NEK7: variants seen among roughly 807,000 people sequenced by gnomAD.
NEK7 encodes the protein NIMA related kinase 7, also known as serine/threonine-protein kinase Nek7.
A neutral mutation model predicts 44.6 loss-of-function variants in NEK7; 18 were observed. The observed-to-expected ratio is 0.40, with a 90% CI of 0.28 to 0.60. NEK7 has a LOEUF of 0.60. Ranked by LOEUF, NEK7 falls within the 20% of genes least tolerant of loss-of-function variation. The pLI, the probability that NEK7 is intolerant of heterozygous loss-of-function variation, is 0.38. For missense variants in NEK7, 256 were observed against 366.5 expected (o/e 0.70, Z 2.46); for synonymous variants, 130 against 121.1 (o/e 1.07, Z -0.48).
intron 1 of NEK7, among the ~76,000 whole-genome samples, chr1:198,215,075 A>G (rs1448422419): frequency 1.3e-5 from 2 of 152,288 alleles, no homozygotes; most frequent in Admixed American, 6.5e-5. Flanking sequence ...GTATTGAGCA[A>G]AACTAGTTTT....
At chr1:198,162,315 C>G (rs1664135437) in intron 1 of NEK7, among the ~76,000 whole-genome samples, 1 of 152,158 alleles carries the variant, frequency 6.6e-6, no homozygotes, top group Non-Finnish European at 1.5e-5. Flanking sequence ...GAATTCCTGG[C>G]TAGTTGCCAC....
rs185683962 is a variant in NEK7, at chr1:198,256,873, C to A, written c.198+3693C>A. Reference sequence around the variant, plus strand: ...AAGATTATCAAAAACTTATTTTGATCTGGTATATGCAATCTCTATTTTATT... The same window carrying A: ...AAGATTATCAAAAACTTATTTTGATATGGTATATGCAATCTCTATTTTATT... On this transcript the variant is annotated intron_variant, in intron 3 of 9. Transcript: ENST00000367385. Among the ~76,000 whole-genome samples, 451 of 152,260 alleles carry A rather than the reference C, an allele frequency of 3.0e-3. 1 individual carries two copies. The highest frequency in any genetic ancestry group is 2.2e-3 in the Non-Finnish European group (151 of 68,020).
chr1:198,249,957 GC>G (rs1660037676), intron 2 of NEK7, among the ~76,000 whole-genome samples: 2 of 146,126 alleles, frequency 1.4e-5, no homozygotes, highest in South Asian at 2.3e-4. Context: ...CCTTGCCCAT[GC>G]CTATGTCCTG....
At chr1:198,204,299 A>G (rs1276933901) in intron 1 of NEK7, among the ~76,000 whole-genome samples, 1 of 152,182 alleles carries the variant, frequency 6.6e-6, no homozygotes, top group Non-Finnish European at 1.5e-5. Context: ...TATGAGAGCA[A>G]GTCATAACAC....
At chr1:198,309,066 G>A (rs1204876234) in intron 9 of NEK7, among the ~76,000 whole-genome samples, 1 of 152,082 alleles carries the variant, frequency 6.6e-6, no homozygotes, top group African/African-American at 2.4e-5. Context: ...GTGTTATAAG[G>A]ACTTTAATAC....
chr1:198,302,666 TATAAC>T (rs1254126684), intron 9 of NEK7, among the ~76,000 whole-genome samples: 6 of 152,158 alleles, frequency 3.9e-5, no homozygotes, highest in Non-Finnish European at 8.8e-5. Context: ...TATTGGAGAG[TATAAC>T]ATATTTATGT....
At position 198,253,198 on chromosome 1, in the gene NEK7, A is replaced by T; in HGVS notation, c.198+18A>T. ...AAGTGCAGGTAAGATGACTTTAATT[A>T]TATAAATCAATGTAAAATTATACTA... On this transcript the variant is annotated intron_variant, in intron 3 of 9. Transcript: ENST00000367385. 1 of 1,519,178 alleles carries T rather than the reference A, an allele frequency of 6.6e-7. No homozygotes were observed. Among genetic ancestry groups the T allele is most frequent in the Non-Finnish European group, 9.0e-7 (1 of 1,106,584 alleles). 94.1% of individuals were successfully genotyped at this position (1,519,178 alleles called of 1,614,324 possible).
chr1:198,317,877 ATTTTT>A (rs34704209), intron 9 of NEK7, among the ~76,000 whole-genome samples: 7 of 70,268 alleles, frequency 1.0e-4, no homozygotes, highest in Non-Finnish European at 1.2e-4. Flanking sequence ...GGATATATTT[ATTTTT>A]TTTTTTTTTT....
chr1:198,240,887 G>A (rs375908180), intron 2 of NEK7, among the ~76,000 whole-genome samples: 57 of 152,288 alleles, frequency 3.7e-4, no homozygotes, highest in Admixed American at 1.8e-3. Context: ...TACAGATGGG[G>A]TTTCAGCATC....
chr1:198,273,261 G>A (rs1288665136), intron 5 of NEK7, among the ~76,000 whole-genome samples: 5 of 151,644 alleles, frequency 3.3e-5, no homozygotes, highest in Non-Finnish European at 7.4e-5. Flanking sequence ...TAAGATATCT[G>A]AATTGTATTC....
intron 9 of NEK7, among the ~76,000 whole-genome samples, chr1:198,303,628 T>C (rs1242410360): frequency 6.6e-6 from 1 of 152,158 alleles, no homozygotes; most frequent in Non-Finnish European, 1.5e-5. Flanking sequence ...CAAATTTTAA[T>C]AGATCTATAT....
chr1:198,232,214 G>A (rs1666416765), intron 1 of NEK7, among the ~76,000 whole-genome samples: 1 of 152,052 alleles, frequency 6.6e-6, no homozygotes, highest in Non-Finnish European at 1.5e-5. Flanking sequence ...CATAATTTTA[G>A]GGAGCTTACT....
At chr1:198,157,604 G>C (rs1000225437) in intron 1 of NEK7, among the ~76,000 whole-genome samples, 1 of 152,240 alleles carries the variant, frequency 6.6e-6, no homozygotes, top group Non-Finnish European at 1.5e-5. Context: ...TTCGGGACCC[G>C]AGGAACTTAA....
intron 5 of NEK7, among the ~76,000 whole-genome samples, chr1:198,273,613 G>A (rs921262208): frequency 6.6e-6 from 1 of 151,462 alleles, no homozygotes; most frequent in Non-Finnish European, 1.5e-5. Context: ...CCCCTCTGAT[G>A]GTAAATGTTT....
At chr1:198,268,186 C>A (rs1034827772) in intron 5 of NEK7, among the ~76,000 whole-genome samples, 2 of 151,422 alleles carry the variant, frequency 1.3e-5, no homozygotes, top group African/African-American at 4.9e-5. Context: ...TGATCTCATT[C>A]ATACCTACGG....
intron 7 of NEK7, among the ~76,000 whole-genome samples, chr1:198,285,313 A>G (rs1654333632): frequency 6.6e-6 from 1 of 152,204 alleles, no homozygotes; most frequent in East Asian, 1.9e-4. Context: ...GAGACAGACT[A>G]CATACATAAA....
At chr1:198,239,880 A>G (rs575253498) in intron 2 of NEK7, among the ~76,000 whole-genome samples, 83 of 152,270 alleles carry the variant, frequency 5.5e-4, no homozygotes, top group African/African-American at 1.9e-3. Flanking sequence ...AGCCTACTAC[A>G]CACCTAGGCT....
intron 1 of NEK7, among the ~76,000 whole-genome samples, chr1:198,216,234 T>A (rs1171697142): frequency 6.6e-6 from 1 of 152,076 alleles, no homozygotes; most frequent in Non-Finnish European, 1.5e-5. Context: ...TCAATTATAT[T>A]CTCAGACCAC....
chr1:198,309,905 A>T (rs1017356669), intron 9 of NEK7, among the ~76,000 whole-genome samples: 2 of 152,086 alleles, frequency 1.3e-5, no homozygotes, highest in Admixed American at 6.6e-5. Context: ...AATAAACATA[A>T]GTGTGCATGT....
Sources: gnomAD v4.1 joint callset for allele counts (sites outside exome capture counted in the v4.1 genomes callset) on GRCh38, gnomAD v4.1.1 for gene constraint, MANE v1.5 for transcripts, NCBI Gene and HGNC (gene_info 2026-07-23, HGNC 2026-07-21) for gene names.